The following DDAH1 variants were observed in gnomAD, a reference collection of about 807,000 sequenced individuals.
The protein encoded by DDAH1 is dimethylarginine dimethylaminohydrolase 1.
In DDAH1, 19 loss-of-function variants were observed where a neutral mutation model predicts 28.8. The ratio of observed to expected loss-of-function variants is 0.66; its 90% confidence interval spans 0.46 to 0.97. The LOEUF (loss-of-function observed/expected upper bound fraction) is 0.97, where lower values mean the gene tolerates loss of function less well. Ranked by LOEUF, DDAH1 falls within the 50% of genes least tolerant of loss-of-function variation. The pLI is 0.00. For synonymous variants in DDAH1, 153 were observed against 154.4 expected (o/e 0.99, Z 0.07); for missense variants, 326 against 375.9 (o/e 0.87, Z 1.10).
intron 1 of DDAH1, among the ~76,000 whole-genome samples, chr1:85,566,410 C>T (rs1325531202): frequency 6.7e-6 from 1 of 149,042 alleles, no homozygotes; most frequent in African/African-American, 2.5e-5. Flanking sequence ...GAGGATGGCT[C>T]GAGCCTGGGA....
chr1:85,555,531 C>T (rs17127881), intron 1 of DDAH1, among the ~76,000 whole-genome samples: 11,289 of 152,208 alleles, frequency 0.074, 481 homozygotes, highest in East Asian at 0.16. Flanking sequence ...CATCTACTCG[C>T]CTCATTATTG....
At chr1:85,542,116 C>T (rs6667327) in intron 1 of DDAH1, among the ~76,000 whole-genome samples, 7,908 of 152,192 alleles carry the variant, frequency 0.052, 320 homozygotes, top group African/African-American at 0.12. Context: ...ATCCTTTCAC[C>T]TAAGGTCATA....
intron 1 of DDAH1, among the ~76,000 whole-genome samples, chr1:85,398,169 GT>G (rs1304260670): frequency 6.6e-6 from 1 of 152,040 alleles, no homozygotes; most frequent in African/African-American, 2.4e-5. Context: ...GTCGGCCTTG[GT>G]TTGGCTTCCT....
Position 85,457,995 on chromosome 1 carries a change from G to A in DDAH1, c.303+6748C>T, listed in dbSNP as rs541614063. 9.2e-5 allele frequency among the ~76,000 whole-genome samples: 13 copies of A among 141,400 alleles called. No homozygotes were observed. The East Asian group carries it at 1.0e-3, about 11-fold the overall frequency. 92.8% of individuals were successfully genotyped at this position (141,400 alleles called of 152,430 possible). ...TGAGCCACCACACCCAGCCCAAAACGTCTTTTAATAAAGGCAAAGGTTTAC... is the reference window on the plus strand; with the variant it reads ...TGAGCCACCACACCCAGCCCAAAACATCTTTTAATAAAGGCAAAGGTTTAC... On this transcript the variant is annotated intron_variant, in intron 1 of 5. Transcript: ENST00000284031.
At chr1:85,378,288 T>C (rs1650790389) in intron 1 of DDAH1, among the ~76,000 whole-genome samples, 1 of 152,240 alleles carries the variant, frequency 6.6e-6, no homozygotes. Context: ...GTGCTTAGCA[T>C]GTCTTCATTA....
At chr1:85,453,444 C>T (rs962655736) in intron 1 of DDAH1, among the ~76,000 whole-genome samples, 9 of 152,210 alleles carry the variant, frequency 5.9e-5, no homozygotes, top group African/African-American at 2.2e-4. Context: ...GTCACAGCCA[C>T]ACACTGTTTG....
At position 85,336,262 on chromosome 1, in the gene DDAH1, A is replaced by G. The variant is rs574546024; in HGVS notation, c.598-11379T>C. ...AGATATTAGGCCCCAAACAAGTATC[A>G]ACAAATGTTAAAAAATCAAAATTAG... On this transcript the variant is annotated intron_variant, in intron 4 of 5. Coordinates refer to ENST00000284031, the MANE Select transcript of DDAH1 (RefSeq NM_012137.4). Among the ~76,000 whole-genome samples the G allele has an allele frequency of 2.0e-5, 3 of 152,278 alleles. No homozygotes were observed. The South Asian group carries it at 6.2e-4, about 32-fold the overall frequency.
chr1:85,487,671 A>T lies in DDAH1; in HGVS notation c.-7+8495T>A, dbSNP rs529685836. 7.9e-4 allele frequency among the ~76,000 whole-genome samples: 120 copies of T among 152,318 alleles called. 4 individuals are homozygous for T. In the South Asian group the frequency reaches 0.022, roughly 28 times the overall value. ...TTCAAGCATCAAAAAGTATAAAAAG[A>T]TATACAGCAATGTCTCCTTTCCTCC... On this transcript the variant is annotated intron_variant, in intron 2 of 6. Coordinates refer to the DDAH1 transcript ENST00000426972.
At chr1:85,382,917 A>T (rs1291349798) in intron 1 of DDAH1, among the ~76,000 whole-genome samples, 1 of 152,328 alleles carries the variant, frequency 6.6e-6, no homozygotes, top group East Asian at 1.9e-4. Flanking sequence ...CCTACTGCTC[A>T]GAAAAAAAGA....
At chr1:85,404,553 A>G (rs1321455323) in intron 1 of DDAH1, 1 of 1,338,930 alleles carries the variant, frequency 7.5e-7, no homozygotes, top group Non-Finnish European at 9.6e-7. Flanking sequence ...CAGACAGAAA[A>G]AAAAATAGGA....
At chr1:85,436,271 C>A (rs756834986) in intron 1 of DDAH1, among the ~76,000 whole-genome samples, 16 of 151,744 alleles carry the variant, frequency 1.1e-4, no homozygotes, top group Non-Finnish European at 2.2e-4. Context: ...TTATTTTTAA[C>A]CTCTGGAAGA....
At chr1:85,508,684 C>T (rs552278417) in intron 1 of DDAH1, among the ~76,000 whole-genome samples, 4 of 152,256 alleles carry the variant, frequency 2.6e-5, no homozygotes, top group Admixed American at 6.5e-5. Context: ...TGCCTGGCTC[C>T]GCAGGTCCCA....
At position 85,570,375 on chromosome 1, in the gene DDAH1, C is replaced by CACACACAT. The variant is rs754876367; in HGVS notation, c.-123+7608_-123+7609insATGTGTGT. Among the ~76,000 whole-genome samples the CACACACAT allele has an allele frequency of 1.4e-3, 210 of 151,362 alleles. 1 individual carries two copies. The highest frequency in any genetic ancestry group is 2.6e-3 in the Non-Finnish European group (177 of 67,828). ...CAGCACACACACTGTCACACACACA[C>CACACACAT]ACACACACACACACACACACATCTC... On this transcript the variant is annotated intron_variant, in intron 1 of 6. Coordinates refer to the DDAH1 transcript ENST00000426972.
Position 85,319,768 on chromosome 1 carries a change from A to G in DDAH1, c.*1684T>C, listed in dbSNP as rs534863967. 6.6e-6 allele frequency: 1 copy of G among 152,356 alleles called. No homozygotes were observed. Among genetic ancestry groups the G allele is most frequent in the Non-Finnish European group, 1.5e-5 (1 of 68,032 alleles). 9.4% of individuals were successfully genotyped at this position (152,356 alleles called of 1,614,324 possible). A position where few individuals can be genotyped will look rare whatever the true frequency, so the allele number is the denominator to read the frequency against. ...TAAAAAGTTAAGCAACAAGGAAGAG[A>G]AGGAGGAGAAAAAAACTTTTGCAAA... On this transcript the variant is annotated 3_prime_UTR_variant, in exon 6 of 6. Coordinates refer to ENST00000284031, the MANE Select transcript of DDAH1 (RefSeq NM_012137.4).
upstream of DDAH1, chr1:85,467,189 G>A (rs938517186): frequency 7.9e-5 from 12 of 152,188 alleles, no homozygotes; most frequent in African/African-American, 2.9e-4. Context: ...GTTAAATAAA[G>A]TATAGGACTT....
intron 4 of DDAH1, among the ~76,000 whole-genome samples, chr1:85,329,802 C>T (rs1397051431): frequency 2.6e-5 from 4 of 152,084 alleles, no homozygotes; most frequent in Non-Finnish European, 5.9e-5. Context: ...AATGAACAGG[C>T]CCCATTTGGA....
intron 1 of DDAH1, among the ~76,000 whole-genome samples, chr1:85,449,940 G>A (rs560286746): frequency 1.3e-5 from 2 of 152,256 alleles, no homozygotes; most frequent in South Asian, 4.1e-4. Flanking sequence ...TTCCAGCAGA[G>A]AGAGGGAATA....
intron 1 of DDAH1, among the ~76,000 whole-genome samples, chr1:85,556,073 G>A (rs977619903): frequency 3.0e-4 from 37 of 123,228 alleles, no homozygotes; most frequent in African/African-American, 1.1e-3. Context: ...CACCACCACC[G>A]CCGCCGCCTC....
At chr1:85,333,304 C>T (rs969741514) in intron 4 of DDAH1, among the ~76,000 whole-genome samples, 1 of 152,160 alleles carries the variant, frequency 6.6e-6, no homozygotes, top group Non-Finnish European at 1.5e-5. Flanking sequence ...CCAACCAACA[C>T]CATAGATCTA....
Sources: gnomAD v4.1 joint callset for allele counts (sites outside exome capture counted in the v4.1 genomes callset) on GRCh38, gnomAD v4.1.1 for gene constraint, MANE v1.5 for transcripts, NCBI Gene and HGNC (gene_info 2026-07-23, HGNC 2026-07-21) for gene names.